The following IFT81 variants were observed in gnomAD, a reference collection of about 807,000 sequenced individuals.
The protein encoded by IFT81 is intraflagellar transport 81.
In IFT81, 72 loss-of-function variants were observed where a neutral mutation model predicts 102.6. That is an observed-to-expected ratio of 0.70 (90% confidence interval 0.58 to 0.85). IFT81 has a LOEUF of 0.85. Ranked by LOEUF, IFT81 falls within the 40% of genes least tolerant of loss-of-function variation. The probability of loss-of-function intolerance (pLI) is 0.00; values close to 1 mark genes in which losing one functional copy is unlikely to be tolerated. For synonymous variants in IFT81, 237 were observed against 242.7 expected, an observed-to-expected ratio of 0.98 and a Z score of 0.22; for missense variants, 723 against 787.3, an observed-to-expected ratio of 0.92 and a Z score of 0.98.
intron 13 of IFT81, among the ~76,000 whole-genome samples, chr12:110,191,979 T>C (rs747113150): frequency 2.6e-5 from 4 of 152,124 alleles, no homozygotes; most frequent in Non-Finnish European, 5.9e-5. Context: ...GAGACCAGCC[T>C]GGCCAACATG....
intron 9 of IFT81, among the ~76,000 whole-genome samples, chr12:110,145,274 C>A (rs12810202): frequency 2.0e-5 from 3 of 151,854 alleles, no homozygotes; most frequent in Non-Finnish European, 2.9e-5. Context: ...TTCAAGAGAT[C>A]TGCCTGCCTC....
chr12:110,170,222 G>A (rs1460634235), intron 11 of IFT81, among the ~76,000 whole-genome samples: 2 of 152,226 alleles, frequency 1.3e-5, no homozygotes, highest in African/African-American at 4.8e-5. Context: ...CAAAGTGCTG[G>A]GATTACAGGC....
chr12:110,210,751 A>G (rs760769573), intron 18 of IFT81, among the ~76,000 whole-genome samples: 6 of 151,824 alleles, frequency 4.0e-5, no homozygotes, highest in Non-Finnish European at 7.4e-5. Flanking sequence ...GTTTCCTACC[A>G]CTATCATACC....
chr12:110,142,412 C>G (rs1894947114), intron 8 of IFT81, among the ~76,000 whole-genome samples: 1 of 152,124 alleles, frequency 6.6e-6, no homozygotes, highest in African/African-American at 2.4e-5. Flanking sequence ...GGTGATCCAC[C>G]CACCTCGGCC....
chr12:110,154,015 G>T (rs376077613), intron 10 of IFT81, among the ~76,000 whole-genome samples: 1 of 151,378 alleles, frequency 6.6e-6, no homozygotes. Flanking sequence ...ACAAAGTCTC[G>T]CTCTGTCACC....
At chr12:110,216,519 A>ATTT in intron 18 of IFT81, 2 of 372,874 alleles carry the variant, frequency 5.4e-6, no homozygotes, top group South Asian at 3.6e-5. Flanking sequence ...ATTCACCTTA[A>ATTT]TTTTTTTTTT....
At position 110,217,273 on chromosome 12, in the gene IFT81, A is replaced by G. The variant is rs61940954; in HGVS notation, c.1849-771A>G. ...TTGATCAGGCTGGTCTCGAACTCCT[A>G]ACCTCAAGTGATCTATCCGCCTCAG... On this transcript the variant is annotated intron_variant, in intron 18 of 18. Transcript: ENST00000242591. 1.0e-3 allele frequency among the ~76,000 whole-genome samples: 159 copies of G among 152,172 alleles called. 2 individuals carry two copies. The highest frequency in any genetic ancestry group is 9.6e-4 in the Non-Finnish European group (65 of 67,982).
chr12:110,190,273 A>G (rs1897731256), intron 12 of IFT81, among the ~76,000 whole-genome samples: 1 of 151,996 alleles, frequency 6.6e-6, no homozygotes, highest in Non-Finnish European at 1.5e-5. Flanking sequence ...CCCCCACCTT[A>G]TTCTCACTGC....
intron 14 of IFT81, among the ~76,000 whole-genome samples, chr12:110,195,888 A>C (rs1364974605): frequency 6.6e-6 from 1 of 152,186 alleles, no homozygotes; most frequent in African/African-American, 2.4e-5. Flanking sequence ...TTTTAAGTGT[A>C]GCTCGACAAT....
chr12:110,155,843 A>G (rs1300382316), intron 10 of IFT81, among the ~76,000 whole-genome samples: 3 of 151,902 alleles, frequency 2.0e-5, no homozygotes, highest in South Asian at 2.1e-4. Context: ...TGTATATTCT[A>G]TAGCTATTTT....
Position 110,146,989 on chromosome 12 carries a change from G to A in IFT81, c.982G>A (p.Glu328Lys). Residue 328 changes from glutamate (E) to lysine (K), a missense_variant, in exon 10 of 19, where the codon GAA becomes AAA. Physicochemically the swap from Glu to Lys is moderately conservative, Grantham distance 56. Transcript: ENST00000242591. The part of the protein sequence containing the change: ...EINTEINQLI[E>K]KKMMRNEPIE... ...AAACACAGAAATTAACCAGTTGATT[G>A]AAAAGAAAATGATGAGAAATGAGCC... 6.2e-7 allele frequency: 1 copy of A among 1,609,832 alleles called. No individual in the cohort carries two copies. Among genetic ancestry groups the A allele is most frequent in the Non-Finnish European group, 8.5e-7 (1 of 1,177,980 alleles).
At chr12:110,127,640 A>G in intron 2 of IFT81, 116 bp downstream of exon 2, 2 of 915,112 alleles carry the variant, frequency 2.2e-6, no homozygotes, top group Non-Finnish European at 3.1e-6. Context: ...CCATGTCTGT[A>G]AAGTAATAGT....
At chr12:110,168,013 A>G in intron 11 of IFT81, 1 of 168,258 alleles carries the variant, frequency 5.9e-6, no homozygotes, top group Non-Finnish European at 1.3e-5. Context: ...CACCATGCCC[A>G]GCTAATTTTC....
intron 10 of IFT81, among the ~76,000 whole-genome samples, chr12:110,154,293 C>T (rs560131560): frequency 6.6e-6 from 1 of 151,052 alleles, no homozygotes; most frequent in East Asian, 1.9e-4. Context: ...CGCCATTGCA[C>T]TCCAGCCCAG....
intron 11 of IFT81, among the ~76,000 whole-genome samples, chr12:110,171,726 G>A (rs1896741415): frequency 6.6e-6 from 1 of 152,198 alleles, no homozygotes; most frequent in African/African-American, 2.4e-5. Flanking sequence ...AAAACAAAGA[G>A]CAACTCTGAG....
chr12:110,129,224 G>T (rs1894028308), intron 4 of IFT81, 94 bp downstream of exon 4: 1 of 897,792 alleles, frequency 1.1e-6, no homozygotes, highest in East Asian at 2.9e-5. Context: ...TGCTGTCTTT[G>T]TAGTTCCAAG....
At chr12:110,212,227 A>G (rs1349875392) in intron 18 of IFT81, among the ~76,000 whole-genome samples, 4 of 145,260 alleles carry the variant, frequency 2.8e-5, no homozygotes, top group African/African-American at 5.3e-5. Flanking sequence ...AATAAAGGTG[A>G]TATGTTCCTT....
intron 8 of IFT81, among the ~76,000 whole-genome samples, chr12:110,139,866 T>TAAAATAAAATAAAATATAAAATAAA (rs1477964163): frequency 9.2e-5 from 12 of 130,078 alleles, no homozygotes; most frequent in African/African-American, 3.7e-4. Flanking sequence ...TAAAATAAAA[T>TAAAATAAAATAAAATATAAAATAAA]ATAAAATAAA....
intron 14 of IFT81, among the ~76,000 whole-genome samples, chr12:110,201,697 T>C (rs1312687692): frequency 6.6e-6 from 1 of 152,168 alleles, no homozygotes; most frequent in African/African-American, 2.4e-5. Flanking sequence ...TCCACCCGCC[T>C]TGGCCTCCCA....
Sources: allele counts gnomAD v4.1 joint callset (sites outside exome capture counted in the v4.1 genomes callset), GRCh38; gene constraint gnomAD v4.1.1; transcripts MANE v1.5; gene names NCBI Gene and HGNC (gene_info 2026-07-23, HGNC 2026-07-21).